PID1: variants seen among roughly 807,000 people sequenced by gnomAD.
PID1 encodes phosphotyrosine interaction domain containing 1.
PID1 carries 10 observed loss-of-function variants against 19.1 expected under a neutral mutation model. The ratio of observed to expected loss-of-function variants is 0.52; its 90% CI spans 0.32 to 0.89. The LOEUF (loss-of-function observed/expected upper bound fraction) is 0.89, where lower values mean the gene tolerates loss of function less well. Among genes scored for constraint, PID1 ranks in the 40% least tolerant of loss-of-function variants. The probability of loss-of-function intolerance (pLI) is 0.03; values close to 1 mark genes in which losing one functional copy is unlikely to be tolerated. For missense variants in PID1, 248 were observed against 285.3 expected (o/e 0.87, Z 0.94); for synonymous variants, 130 against 116.0 (o/e 1.12, Z -0.78).
intron 2 of PID1, among the ~76,000 whole-genome samples, chr2:229,077,557 T>G (rs57624753): frequency 0.059 from 8,964 of 152,284 alleles, 876 homozygotes; most frequent in African/African-American, 0.2. Flanking sequence ...GAGCTAATTT[T>G]TGTATAAGGT....
intron 2 of PID1, among the ~76,000 whole-genome samples, chr2:229,071,714 T>C (rs1274431159): frequency 1.3e-5 from 2 of 152,230 alleles, no homozygotes; most frequent in East Asian, 3.8e-4. Context: ...GAAGAATCTA[T>C]TGAGGAAAGC....
In PID1 at chr2:229,155,881, C is replaced by T. The variant is rs149512057; in HGVS notation, c.114G>A (p.Pro38=). ...TGGTCGTGCACAGCTCAATGGCCTC[C>T]GGCTCATGGAAGATGACCGCTGGGA... ...EPLPAVIFHE[P]EAIELCTTTP... Residue 38 remains proline, a synonymous_variant, in exon 2 of 3, where the codon CCG becomes CCA. Transcript: ENST00000392055. 2.2e-5 allele frequency: 36 copies of T among 1,613,774 alleles called. No individual in the cohort carries two copies. The highest frequency in any genetic ancestry group is 1.7e-4 in the Middle Eastern group (1 of 5,936).
chr2:229,131,454 C>T (rs1160936425), intron 2 of PID1, among the ~76,000 whole-genome samples: 30 of 152,156 alleles, frequency 2.0e-4, no homozygotes, highest in Non-Finnish European at 4.4e-5. Context: ...AGGTGTCAAA[C>T]TTCTGACCTC....
At chr2:229,120,020 A>C (rs1280533094) in intron 2 of PID1, among the ~76,000 whole-genome samples, 1 of 152,132 alleles carries the variant, frequency 6.6e-6, no homozygotes, top group East Asian at 1.9e-4. Context: ...TACAAACTAC[A>C]CCACCAACTC....
At chr2:229,207,556 G>A (rs187112600) in intron 1 of PID1, among the ~76,000 whole-genome samples, 288 of 150,078 alleles carry the variant, frequency 1.9e-3, no homozygotes, top group Non-Finnish European at 3.1e-3. Flanking sequence ...GGTTTGAATC[G>A]TTGCTCTGCT....
chr2:229,230,837 G>T (rs1026984986), intron 1 of PID1, among the ~76,000 whole-genome samples: 1 of 152,040 alleles, frequency 6.6e-6, no homozygotes, highest in Non-Finnish European at 1.5e-5. Flanking sequence ...ATACTTGTTT[G>T]TGTATATATA....
At chr2:229,205,569 C>A (rs1640947982) in intron 1 of PID1, among the ~76,000 whole-genome samples, 1 of 151,972 alleles carries the variant, frequency 6.6e-6, no homozygotes, top group Non-Finnish European at 1.5e-5. Context: ...CACACACACA[C>A]AAAACCCAAA....
intron 1 of PID1, among the ~76,000 whole-genome samples, chr2:229,199,325 G>A (rs142637334): frequency 5.7e-4 from 87 of 151,954 alleles, no homozygotes; most frequent in Non-Finnish European, 1.1e-3. Context: ...ATTATATTAC[G>A]TGGTATTTGA....
At chr2:229,198,803 C>T (rs1450054930) in intron 1 of PID1, among the ~76,000 whole-genome samples, 1 of 152,048 alleles carries the variant, frequency 6.6e-6, no homozygotes, top group Non-Finnish European at 1.5e-5. Context: ...GCCATAATCT[C>T]GTCTCTAAAC....
At position 229,026,125 on chromosome 2, in the gene PID1, G is replaced by C; in HGVS notation, c.178-17C>G. ...GTAGGTAACCTGCAGATGCAAGAGA[G>C]GAAGAAAAGGGAGGCATCAGCAGAA... On this transcript the variant is annotated splice_polypyrimidine_tract_variant and intron_variant, in intron 2 of 2. Transcript: ENST00000392055. The C allele has an allele frequency of 6.4e-7, 1 of 1,554,214 alleles. No homozygotes were observed.
intron 2 of PID1, among the ~76,000 whole-genome samples, chr2:229,042,352 G>A (rs1693788940): frequency 6.6e-6 from 1 of 152,112 alleles, no homozygotes; most frequent in African/African-American, 2.4e-5. Flanking sequence ...ATGAAGACGT[G>A]TCCTTGGCTC....
chr2:229,157,656 G>A (rs1690402951), intron 1 of PID1, among the ~76,000 whole-genome samples: 1 of 152,226 alleles, frequency 6.6e-6, no homozygotes, highest in South Asian at 2.1e-4. Context: ...TGAGTACAAG[G>A]TAAGTATTTA....
chr2:229,082,698 C>T (rs1199943009), intron 2 of PID1, among the ~76,000 whole-genome samples: 2 of 152,096 alleles, frequency 1.3e-5, no homozygotes, highest in African/African-American at 4.8e-5. Context: ...GGATCTCAGT[C>T]CTACAACCAC....
intron 1 of PID1, among the ~76,000 whole-genome samples, chr2:229,166,029 A>G (rs1451044507): frequency 6.6e-6 from 1 of 152,224 alleles, no homozygotes; most frequent in African/African-American, 2.4e-5. Flanking sequence ...AAATGCTCAC[A>G]GTAGCTATAT....
At chr2:229,102,506 G>A (rs918051893) in intron 2 of PID1, among the ~76,000 whole-genome samples, 6 of 152,126 alleles carry the variant, frequency 3.9e-5, no homozygotes, top group South Asian at 2.1e-4. Flanking sequence ...AAGCAGAGAC[G>A]GTTCCTCTCC....
At chr2:229,065,415 G>A (rs1202649183) in intron 2 of PID1, among the ~76,000 whole-genome samples, 2 of 152,110 alleles carry the variant, frequency 1.3e-5, no homozygotes, top group African/African-American at 4.8e-5. Flanking sequence ...TAAGTGAAAA[G>A]TAGAAACTGT....
chr2:229,025,658 G>C lies in PID1; in HGVS notation c.628C>G (p.Gln210Glu). 6.2e-7 allele frequency: 1 copy of C among 1,611,578 alleles called. No homozygotes were observed. The highest frequency in any genetic ancestry group is 8.5e-7 in the Non-Finnish European group (1 of 1,177,840). ...HSNSSSEEVS[Q>E]ELESDDG ...CAGCCATCATCGGATTCCAATTCCTGGGAAACCTCTTCGGAGGAGCTGTTG... is the reference window on the plus strand; with the variant it reads ...CAGCCATCATCGGATTCCAATTCCTCGGAAACCTCTTCGGAGGAGCTGTTG... The change falls in exon 3 of 3, where the codon CAG (glutamine) becomes GAG (glutamate). Residue 210 changes from glutamine (Q) to glutamate (E), a missense_variant. Coordinates refer to ENST00000392055, the MANE Select transcript of PID1 (RefSeq NM_001100818.2).
At chr2:229,178,189 GA>G (rs577444059) in intron 1 of PID1, among the ~76,000 whole-genome samples, 81 of 152,306 alleles carry the variant, frequency 5.3e-4, no homozygotes, top group African/African-American at 1.9e-3. Context: ...AAAAGAAATA[GA>G]AGCTTTCATA....
intron 1 of PID1, among the ~76,000 whole-genome samples, chr2:229,252,938 C>T (rs1423244096): frequency 2.0e-5 from 3 of 152,178 alleles, no homozygotes; most frequent in Non-Finnish European, 4.4e-5. Context: ...GCCAGATGAA[C>T]TTTCCTGGAT....
Sources: gnomAD v4.1 joint callset for allele counts (sites outside exome capture counted in the v4.1 genomes callset) on GRCh38, gnomAD v4.1.1 for gene constraint, MANE v1.5 for transcripts, NCBI Gene and HGNC (gene_info 2026-07-23, HGNC 2026-07-21) for gene names.